PCDHGA4: variants seen among roughly 807,000 people sequenced by gnomAD.
PCDHGA4 encodes protocadherin gamma-A4.
A neutral mutation model predicts 54.6 loss-of-function variants in PCDHGA4; 38 were observed. That is an observed-to-expected ratio of 0.70 (90% CI 0.54 to 0.91). The LOEUF (loss-of-function observed/expected upper bound fraction) is 0.91, where lower values mean the gene tolerates loss of function less well. Among genes scored for constraint, PCDHGA4 ranks in the 40% least tolerant of loss-of-function variants. The pLI is 0.00. For missense variants in PCDHGA4, 1,298 were observed against 1,220.9 expected (o/e 1.06, Z -0.94); for synonymous variants, 511 against 512.9 (o/e 1.00, Z 0.05).
intron 1 of PCDHGA4, among the ~76,000 whole-genome samples, chr5:141,475,750 T>C (rs1158317865): frequency 6.6e-6 from 1 of 152,270 alleles, no homozygotes; most frequent in African/African-American, 2.4e-5. Context: ...AGGTTTCCTA[T>C]GCACCGATAC....
chr5:141,485,687 C>T lies in PCDHGA4; in HGVS notation c.2515-9120C>T. 1 of 1,614,066 alleles carries T rather than the reference C, an allele frequency of 6.2e-7. No individual in the cohort carries two copies. Among genetic ancestry groups the T allele is most frequent in the Non-Finnish European group, 8.5e-7 (1 of 1,179,966 alleles). ...GAGCAATTCGATTAGCAGCTATAGG[C>T]TGAGCTCCAATGAACACTTTGCACT... On this transcript the variant is annotated intron_variant, in intron 1 of 3. Transcript: ENST00000571252. The surrounding 1 kb of genome is among the most constrained non-coding windows in gnomAD (Gnocchi z 5.7).
chr5:141,393,938 C>T lies in PCDHGA4; in HGVS notation c.2514+36317C>T, dbSNP rs537803893. The T allele has an allele frequency of 1.5e-5, 25 of 1,613,934 alleles. No homozygotes were observed. In the African/African-American group the frequency reaches 2.4e-4, roughly 15 times the overall value. ...CCTTCTTGAGTGTGCATGACCAAGA[C>T]TCTGGAAAGAATGGTCAAGTTGTCT... On this transcript the variant is annotated intron_variant, in intron 1 of 3. Transcript: ENST00000571252.
rs1326004540 is a variant in PCDHGA4 at position 141,477,117 on chromosome 5, C to T, written c.2515-17690C>T. Reference sequence around the variant, plus strand: ...GACAAGGGCGCCAATCCCGAAGGAGCACATTGCAAAGTGTTGGTGGAGGTT... The same window carrying T: ...GACAAGGGCGCCAATCCCGAAGGAGTACATTGCAAAGTGTTGGTGGAGGTT... On this transcript the variant is annotated intron_variant, in intron 1 of 3. Coordinates refer to ENST00000571252, the MANE Select transcript of PCDHGA4 (RefSeq NM_018917.4). The surrounding 1 kb of genome is among the most constrained non-coding windows in gnomAD (Gnocchi z 4.9). 1.2e-6 allele frequency: 2 copies of T among 1,614,246 alleles called. No homozygotes were observed. Among genetic ancestry groups the T allele is most frequent in the East Asian group, 4.5e-5 (2 of 44,886 alleles).
In PCDHGA4 at chr5:141,403,434, A is replaced by C. The variant is rs774605332; in HGVS notation, c.2514+45813A>C. On this transcript the variant is annotated intron_variant, in intron 1 of 3. Transcript: ENST00000571252. ...CCACTTCCAGAAGCTATTGATCCGGATGTTGGCGTGAACTCCCTCCAGAGC... is the reference window on the plus strand; with the variant it reads ...CCACTTCCAGAAGCTATTGATCCGGCTGTTGGCGTGAACTCCCTCCAGAGC... The C allele has an allele frequency of 1.9e-6, 3 of 1,614,024 alleles. No individual in the cohort carries two copies. In the South Asian group the frequency reaches 3.3e-5, roughly 18 times the overall value.
intron 1 of PCDHGA4, among the ~76,000 whole-genome samples, chr5:141,460,577 TGTG>T (rs2098992364): frequency 6.6e-6 from 1 of 152,094 alleles, no homozygotes; most frequent in African/African-American, 2.4e-5. Context: ...CATATGTAGG[TGTG>T]GGTTTTTTCT....
intron 2 of PCDHGA4, among the ~76,000 whole-genome samples, chr5:141,501,983 C>G (rs957901405): frequency 6.6e-6 from 1 of 152,068 alleles, no homozygotes; most frequent in Non-Finnish European, 1.5e-5. Flanking sequence ...CATCTGGTCC[C>G]GTTGTCTCCC....
intron 2 of PCDHGA4, among the ~76,000 whole-genome samples, chr5:141,505,113 G>A (rs1254889990): frequency 6.6e-6 from 1 of 152,178 alleles, no homozygotes; most frequent in East Asian, 1.9e-4. Context: ...AATGAGCCAA[G>A]ATCGCGCCAC....
Position 141,495,110 on chromosome 5 carries a change from T to C in PCDHGA4, c.2573+245T>C, listed in dbSNP as rs74534116. Among the ~76,000 whole-genome samples the C allele has an allele frequency of 3.9e-3, 595 of 152,212 alleles. 3 individuals carry two copies. The highest frequency in any genetic ancestry group is 0.013 in the African/African-American group (538 of 41,532). On this transcript the variant is annotated intron_variant, in intron 2 of 3. Coordinates refer to ENST00000571252, the MANE Select transcript of PCDHGA4 (RefSeq NM_018917.4). The stretch of plus-strand genomic sequence containing the variant: ...TTCCCTCCTCGCCACGACCGGCACC[T>C]TTTCCTATCCCCTGAGGGCACTGTG...
chr5:141,378,863 G>C (rs934816631), intron 1 of PCDHGA4: 1 of 152,136 alleles, frequency 6.6e-6, no homozygotes, highest in Non-Finnish European at 1.5e-5. Context: ...AATGATGTTC[G>C]AATAGAAAAT....
chr5:141,424,786 T>G (rs1219509852), intron 1 of PCDHGA4: 1 of 152,210 alleles, frequency 6.6e-6, no homozygotes, highest in Non-Finnish European at 1.5e-5. Flanking sequence ...ATTCAGTTCT[T>G]TTATTCAGAC....
chr5:141,359,666 T>C lies in PCDHGA4; in HGVS notation c.2514+2045T>C, dbSNP rs575464328. Among the ~76,000 whole-genome samples, 19 of 152,200 alleles carry C rather than the reference T, an allele frequency of 1.2e-4. No homozygotes were observed. In the South Asian group the frequency reaches 3.9e-3, roughly 32 times the overall value. On this transcript the variant is annotated intron_variant, in intron 1 of 3. Transcript: ENST00000571252. ...GAAGGAGACAGAATATTTATAAAAA[T>C]CCGTTGCCCTATACAAGACATATCT...
intron 1 of PCDHGA4, among the ~76,000 whole-genome samples, chr5:141,386,837 A>G (rs551845645): frequency 1.3e-5 from 2 of 152,378 alleles, no homozygotes; most frequent in Middle Eastern, 6.8e-3. Context: ...ATGGAGAGAC[A>G]TAATCACTAA....
chr5:141,459,548 C>G (rs980305784), intron 1 of PCDHGA4, among the ~76,000 whole-genome samples: 2 of 152,036 alleles, frequency 1.3e-5, no homozygotes, highest in African/African-American at 4.8e-5. Flanking sequence ...TTTTATTTCT[C>G]TTGGATAAAT....
intron 1 of PCDHGA4, chr5:141,374,414 G>A: frequency 1.9e-6 from 3 of 1,614,026 alleles, no homozygotes; most frequent in Non-Finnish European, 1.7e-6. Context: ...CATCCTTGTC[G>A]AGGATAAACT....
At chr5:141,448,808 G>C (rs2098608218) in intron 1 of PCDHGA4, among the ~76,000 whole-genome samples, 2 of 152,080 alleles carry the variant, frequency 1.3e-5, no homozygotes, top group Admixed American at 1.3e-4. Flanking sequence ...AGCCAGGCGT[G>C]ATGGCGGGCG....
Position 141,491,048 on chromosome 5 carries a change from C to T in PCDHGA4, c.2515-3759C>T, listed in dbSNP as rs755163825. The T allele has an allele frequency of 7.4e-6, 12 of 1,613,948 alleles. No individual in the cohort carries two copies. Among genetic ancestry groups the T allele is most frequent in the South Asian group, 4.4e-5 (4 of 91,090 alleles). ...GTGGATGCTGATGCAGGCCACAATG[C>T]GTGGCTCTCCTACTCACTGTTGCCA... On this transcript the variant is annotated intron_variant, in intron 1 of 3. Coordinates refer to ENST00000571252, the MANE Select transcript of PCDHGA4 (RefSeq NM_018917.4). The surrounding 1 kb of genome is among the most constrained non-coding windows in gnomAD (Gnocchi z 6.9).
chr5:141,414,866 C>G (rs1413236073), intron 1 of PCDHGA4: 1 of 1,614,230 alleles, frequency 6.2e-7, no homozygotes, highest in Non-Finnish European at 8.5e-7. Flanking sequence ...GACAATGCGC[C>G]CGAGATCCTG....
At chr5:141,420,359 A>G in intron 1 of PCDHGA4, 1 of 1,378,858 alleles carries the variant, frequency 7.3e-7, no homozygotes, top group Non-Finnish European at 9.6e-7. Flanking sequence ...TTAAGATTCT[A>G]GATAACTTCT....
At chr5:141,405,277 T>C (rs770051288) in intron 1 of PCDHGA4, 5 of 1,614,196 alleles carry the variant, frequency 3.1e-6, no homozygotes, top group Non-Finnish European at 4.2e-6. Context: ...AGCCCAACTA[T>C]GCAGACACAC....
Sources: allele counts gnomAD v4.1 joint callset (sites outside exome capture counted in the v4.1 genomes callset), GRCh38; gene constraint gnomAD v4.1.1; non-coding constraint Gnocchi (gnomAD v3.1); transcripts MANE v1.5; gene names NCBI Gene and HGNC (gene_info 2026-07-23, HGNC 2026-07-21).